KATNAL2: variants seen among roughly 807,000 people sequenced by gnomAD.
KATNAL2 encodes katanin catalytic subunit A1 like 2.
Under a neutral mutation model 76.3 loss-of-function variants are expected in KATNAL2, and 52 were observed. The observed-to-expected ratio is 0.68, with a 90% CI of 0.55 to 0.86. The LOEUF is 0.86. Among genes scored for constraint, KATNAL2 ranks in the 40% least tolerant of loss-of-function variants. The pLI, the probability that KATNAL2 is intolerant of heterozygous loss-of-function variation, is 0.00. For missense variants in KATNAL2, 660 were observed against 668.9 expected (o/e 0.99, Z 0.15); for synonymous variants, 243 against 244.2 (o/e 1.00, Z 0.05).
intron 15 of KATNAL2, among the ~76,000 whole-genome samples, chr18:47,080,542 A>C (rs1371187042): frequency 6.6e-6 from 1 of 152,186 alleles, no homozygotes; most frequent in African/African-American, 2.4e-5. Context: ...GCCTGTTCTT[A>C]TACCTATGAG....
intron 3 of KATNAL2, among the ~76,000 whole-genome samples, chr18:46,948,973 C>T (rs1569006063): frequency 1.3e-5 from 2 of 151,546 alleles, no homozygotes; most frequent in East Asian, 1.9e-4. Flanking sequence ...GCAATCATGG[C>T]TCACTGTAGT....
intron 13 of KATNAL2, among the ~76,000 whole-genome samples, chr18:47,070,689 A>G (rs2061968541): frequency 6.6e-6 from 1 of 152,244 alleles, no homozygotes. Context: ...ACTGTTTCAA[A>G]ATATGATGGC....
rs1017218906 is a variant in KATNAL2, at chr18:47,100,261, A to G, written c.1382A>G (p.Glu461Gly). 3.7e-6 allele frequency: 6 copies of G among 1,613,740 alleles called. No homozygotes were observed. The Admixed American group carries it at 1.0e-4, about 27-fold the overall frequency. Residue 461 changes from glutamate (E) to glycine (G), a missense_variant, in exon 17 of 18, where the codon GAG becomes GGG. Physicochemically the swap from Glu to Gly is moderately conservative, Grantham distance 98 (BLOSUM62 -2). Transcript: ENST00000683218. ...GTTTTTTGGCTGTTTCAGGAGACTGAGGGCTACTCAGGCTCAGATATTAAG... is the reference window on the plus strand; with the variant it reads ...GTTTTTTGGCTGTTTCAGGAGACTGGGGGCTACTCAGGCTCAGATATTAAG... ...LEYSVLSQET[E>G]GYSGSDIKLV...
chr18:46,941,684 G>T (rs2059250735), intron 1 of KATNAL2, among the ~76,000 whole-genome samples: 1 of 152,090 alleles, frequency 6.6e-6, no homozygotes, highest in African/African-American at 2.4e-5. Context: ...CAAAAAAAGT[G>T]CTGCTTTCTT....
intron 1 of KATNAL2, among the ~76,000 whole-genome samples, chr18:46,921,017 T>A (rs979392505): frequency 6.6e-6 from 1 of 152,248 alleles, no homozygotes. Flanking sequence ...GGATTGAATC[T>A]CCAGGCAATT....
At chr18:46,921,318 G>A (rs1382240554) in intron 1 of KATNAL2, among the ~76,000 whole-genome samples, 1 of 152,064 alleles carries the variant, frequency 6.6e-6, no homozygotes, top group African/African-American at 2.4e-5. Context: ...AGTAGAGATG[G>A]GGTTTCACCG....
At chr18:46,944,959 A>T (rs1256406756) in intron 1 of KATNAL2, among the ~76,000 whole-genome samples, 1 of 152,184 alleles carries the variant, frequency 6.6e-6, no homozygotes, top group East Asian at 1.9e-4. Context: ...TAAAGTATAC[A>T]GGATGATGTG....
At chr18:47,047,534 C>T (rs1350703760) in intron 4 of KATNAL2, among the ~76,000 whole-genome samples, 1 of 152,008 alleles carries the variant, frequency 6.6e-6, no homozygotes, top group Non-Finnish European at 1.5e-5. Flanking sequence ...TTGGGTTTGG[C>T]CACCTACCTC....
chr18:47,092,712 G>C (rs1352655379), intron 15 of KATNAL2, among the ~76,000 whole-genome samples: 1 of 152,152 alleles, frequency 6.6e-6, no homozygotes, highest in African/African-American at 2.4e-5. Flanking sequence ...CCTGCACCTA[G>C]TCTATAGAGG....
intron 10 of KATNAL2, 90 bp from the exon 11 acceptor site, chr18:47,066,931 T>C (rs1404306276): frequency 2.8e-5 from 11 of 394,612 alleles, no homozygotes; most frequent in Non-Finnish European, 2.7e-5. Flanking sequence ...TTATATCCTA[T>C]TGTAAGTCAA....
chr18:46,931,322 A>G (rs190909482), intron 1 of KATNAL2, among the ~76,000 whole-genome samples: 50 of 151,334 alleles, frequency 3.3e-4, no homozygotes, highest in African/African-American at 1.2e-3. Flanking sequence ...GAAATAAATC[A>G]AAATAAAATA....
intron 13 of KATNAL2, among the ~76,000 whole-genome samples, chr18:47,073,788 A>G (rs1185025777): frequency 6.6e-6 from 1 of 152,166 alleles, no homozygotes; most frequent in East Asian, 1.9e-4. Flanking sequence ...AACTTCCTCC[A>G]GGTTCCTCTG....
rs563463973 is a variant in KATNAL2, at chr18:47,046,541, C to T, written c.122+14C>T. The stretch of plus-strand genomic sequence containing the variant: ...AACACAAGAAGGGTATGTTACAGTA[C>T]AAACATTTATAGAGATGATTCCTCT... On this transcript the variant is annotated intron_variant, in intron 4 of 17. Coordinates refer to ENST00000683218, the MANE Select transcript of KATNAL2 (RefSeq NM_001387690.1). 416 of 1,497,030 alleles carry T rather than the reference C, an allele frequency of 2.8e-4. 3 individuals carry two copies. In the Middle Eastern group the frequency reaches 3.1e-3, roughly 11 times the overall value. 92.7% of individuals were successfully genotyped at this position (1,497,030 alleles called of 1,614,324 possible).
chr18:47,042,794 G>T (rs2061006813), intron 3 of KATNAL2, among the ~76,000 whole-genome samples: 1 of 152,082 alleles, frequency 6.6e-6, no homozygotes, highest in Non-Finnish European at 1.5e-5. Context: ...AAAAAATAGT[G>T]AAATAATTTA....
intron 10 of KATNAL2, among the ~76,000 whole-genome samples, chr18:47,066,486 G>A (rs1026655022): frequency 4.6e-5 from 7 of 152,178 alleles, no homozygotes; most frequent in Non-Finnish European, 8.8e-5. Flanking sequence ...AGTAGGGAAT[G>A]ATCGCTAGCG....
intron 4 of KATNAL2, among the ~76,000 whole-genome samples, chr18:47,048,965 G>T (rs1259649004): frequency 1.3e-5 from 2 of 149,982 alleles, no homozygotes; most frequent in Admixed American, 6.7e-5. Flanking sequence ...CTCCCGAGTA[G>T]CTGGGACTAC....
Position 47,077,458 on chromosome 18 carries a change from C to T in KATNAL2, c.1208C>T (p.Pro403Leu), listed in dbSNP as rs981894859. The change falls in exon 15 of 18, where the codon CCG becomes CTG. Residue 403 changes from proline (P) to leucine (L), a missense_variant. By Grantham distance (98) the Pro-to-Leu change is moderately conservative. Transcript: ENST00000683218. ...TTTGTCTTAGCAGCTTCTAACCTGC[C>T]GTGGTAAGAGACCAAGAGAGTAAAT... is the stretch of plus-strand genomic sequence containing the variant. Reference protein sequence around the residue: ...LVFVLAASNLPWELDCAMLRR... With the variant: ...LVFVLAASNLLWELDCAMLRR... The T allele has an allele frequency of 8.7e-6, 14 of 1,608,312 alleles. No individual in the cohort carries two copies. The highest frequency in any genetic ancestry group is 4.4e-5 in the South Asian group (4 of 90,928).
rs529069799 is a variant in KATNAL2, at chr18:46,942,476, T to C, written c.-509-3581T>C. On this transcript the variant is annotated intron_variant, in intron 1 of 17. Transcript: ENST00000683218. Reference sequence around the variant, plus strand: ...CTAAAATACAAAAATTAGCCGGGCGTGGTGGTGCGTGCCTGTAATCCCAGC... The same window carrying C: ...CTAAAATACAAAAATTAGCCGGGCGCGGTGGTGCGTGCCTGTAATCCCAGC... 2.6e-5 allele frequency among the ~76,000 whole-genome samples: 4 copies of C among 152,144 alleles called. 1 individual carries two copies. The South Asian group carries it at 8.3e-4, about 32-fold the overall frequency.
At chr18:46,945,560 G>A (rs1315723297) in intron 1 of KATNAL2, among the ~76,000 whole-genome samples, 1 of 152,176 alleles carries the variant, frequency 6.6e-6, no homozygotes, top group Non-Finnish European at 1.5e-5. Context: ...AGGAAGGGTG[G>A]AAGCAAGGCA....
Sources: allele counts gnomAD v4.1 joint callset (sites outside exome capture counted in the v4.1 genomes callset), GRCh38; gene constraint gnomAD v4.1.1; transcripts MANE v1.5; gene names NCBI Gene and HGNC (gene_info 2026-07-23, HGNC 2026-07-21).